Variants in ANKRD36 observed in about 807,000 individuals in gnomAD.
The protein encoded by ANKRD36 is ankyrin repeat domain-containing protein 36A.
In ANKRD36, 179 loss-of-function variants were observed where a neutral mutation model predicts 278.1. The observed-to-expected ratio is 0.64, with a 90% confidence interval of 0.57 to 0.73. ANKRD36 has a LOEUF of 0.73. ANKRD36 is among the 30% of genes least tolerant of loss of function. The pLI is 0.00. For missense variants in ANKRD36, 1,159 were observed against 1,956.7 expected (o/e 0.59, Z 7.69); for synonymous variants, 320 against 641.1 (o/e 0.50, Z 7.57).
intron 67 of ANKRD36, among the ~76,000 whole-genome samples, chr2:97,225,780 C>A (rs1229329286): frequency 2.7e-5 from 4 of 149,898 alleles, no homozygotes; most frequent in Non-Finnish European, 4.4e-5. Context: ...CCCCCCTCCC[C>A]CAACCCCACA....
At chr2:97,199,923 C>T (rs1445559514) in intron 44 of ANKRD36, among the ~76,000 whole-genome samples, 4 of 151,962 alleles carry the variant, frequency 2.6e-5, no homozygotes, top group East Asian at 2.0e-4. Flanking sequence ...TGAATGTTTG[C>T]AGTATAATGG....
intron 66 of ANKRD36, among the ~76,000 whole-genome samples, chr2:97,224,171 G>A (rs1167868732): frequency 6.6e-6 from 1 of 150,982 alleles, no homozygotes; most frequent in Non-Finnish European, 1.5e-5. Context: ...AGAACAGTGT[G>A]CTGTTACTTT....
intron 13 of ANKRD36, 138 bp downstream of exon 13, chr2:97,152,077 C>G: frequency 1.4e-6 from 1 of 701,166 alleles, no homozygotes. Context: ...ACTGCAGTTT[C>G]CATCTCCTGG....
intron 67 of ANKRD36, among the ~76,000 whole-genome samples, chr2:97,227,232 A>C (rs1289487711): frequency 6.6e-6 from 1 of 152,082 alleles, no homozygotes; most frequent in Non-Finnish European, 1.5e-5. Context: ...GGCCATTTTA[A>C]CCATACTGAT....
intron 11 of ANKRD36, 43 bp from the exon 12 acceptor site, chr2:97,149,252 G>A (rs1248439427): frequency 6.7e-7 from 1 of 1,498,046 alleles, no homozygotes; most frequent in South Asian, 1.2e-5. Context: ...TTTCTTTTAA[G>A]AAATGAATGA....
intron 22 of ANKRD36, among the ~76,000 whole-genome samples, chr2:97,171,661 C>T (rs1425768241): frequency 6.9e-6 from 1 of 144,228 alleles, no homozygotes; most frequent in Non-Finnish European, 1.5e-5. Context: ...TGTAACTAAC[C>T]TGCACAATGT....
Position 97,245,054 on chromosome 2 carries a change from A to G in ANKRD36, c.4492-103A>G, listed in dbSNP as rs2075222246. The G allele has an allele frequency of 3.5e-6, 4 of 1,154,626 alleles. 1 individual carries two copies. The highest frequency in any genetic ancestry group is 9.8e-5 in the African/African-American group (2 of 20,366). The allele number at this position is 1,154,626 out of a possible 1,614,324, so 71.5% of individuals were successfully genotyped here. A position where few individuals can be genotyped will look rare whatever the true frequency, so the allele number is the denominator to read the frequency against. On this transcript the variant is annotated intron_variant, in intron 70 of 75. Coordinates refer to ENST00000420699, the MANE Select transcript of ANKRD36 (RefSeq NM_001354587.1). ...CCCAGTTAGATATCCAGTTATGGCA[A>G]CCTCTCATTGTATAAATGTACAGGT...
In ANKRD36 at chr2:97,205,982, C is replaced by G; in HGVS notation, c.3090+14C>G. ...CCAACCTTGAAGGTAATGAAACTCC[C>G]ATTTATATTGTGAACGAGTTAATAT... On this transcript the variant is annotated intron_variant, in intron 51 of 75. Transcript: ENST00000420699. 6.4e-7 allele frequency: 1 copy of G among 1,553,198 alleles called. No individual in the cohort carries two copies.
intron 75 of ANKRD36, among the ~76,000 whole-genome samples, chr2:97,256,384 C>T (rs1382987382): frequency 6.6e-6 from 1 of 152,100 alleles, no homozygotes; most frequent in Non-Finnish European, 1.5e-5. Flanking sequence ...GCTTCAATTT[C>T]CTTATTATTT....
At chr2:97,132,841 A>C (rs1273452894) in intron 6 of ANKRD36, among the ~76,000 whole-genome samples, 1 of 152,104 alleles carries the variant, frequency 6.6e-6, no homozygotes, top group African/African-American at 2.4e-5. Context: ...GATGTGCTGA[A>C]TTCCTGTAGC....
chr2:97,157,010 T>A (rs1221295663), intron 15 of ANKRD36, among the ~76,000 whole-genome samples: 3 of 151,984 alleles, frequency 2.0e-5, no homozygotes, highest in Non-Finnish European at 4.4e-5. Context: ...TTTGGCTGCA[T>A]AAATGTCTTC....
chr2:97,146,422 T>A (rs2044273433), intron 10 of ANKRD36, 64 bp from the exon 11 acceptor site: 1 of 1,331,386 alleles, frequency 7.5e-7, no homozygotes. Flanking sequence ...TGCTCTTTTA[T>A]GTTTTTAATA....
intron 6 of ANKRD36, among the ~76,000 whole-genome samples, chr2:97,128,983 C>T (rs991869668): frequency 1.4e-4 from 21 of 152,068 alleles, no homozygotes; most frequent in African/African-American, 4.8e-4. Context: ...TGGGTATATA[C>T]CCAGTAATGG....
intron 22 of ANKRD36, among the ~76,000 whole-genome samples, chr2:97,171,891 G>A (rs1411481747): frequency 1.3e-5 from 2 of 151,992 alleles, no homozygotes; most frequent in Admixed American, 1.3e-4. Flanking sequence ...CAAAAGCAAT[G>A]GCAACAAAAG....
chr2:97,164,934 T>G (rs1213388417), intron 20 of ANKRD36, among the ~76,000 whole-genome samples: 12 of 151,332 alleles, frequency 7.9e-5, no homozygotes, highest in South Asian at 4.2e-4. Flanking sequence ...AGTTTCTGCA[T>G]GTGTGTGTGT....
intron 52 of ANKRD36, 85 bp from the exon 53 acceptor site, chr2:97,207,726 G>T: frequency 6.5e-7 from 1 of 1,534,212 alleles, no homozygotes; most frequent in Admixed American, 2.0e-5. Flanking sequence ...CAGGAGGACA[G>T]AGGTTGATGC....
Position 97,190,612 on chromosome 2 carries a change from G to A in ANKRD36, c.2246-366G>A, listed in dbSNP as rs561894331. On this transcript the variant is annotated intron_variant, in intron 34 of 75. Transcript: ENST00000420699. ...TTTTGATTTCCTGCATGAAAGACAT[G>A]TGGGATCATGTAGCACCTGCTTTGA... Among the ~76,000 whole-genome samples, 17 of 151,704 alleles carry A rather than the reference G, an allele frequency of 1.1e-4. 1 individual carries two copies. The South Asian group carries it at 2.7e-3, about 24-fold the overall frequency.
At position 97,188,346 on chromosome 2, in the gene ANKRD36, G is replaced by T. The variant is rs187305146; in HGVS notation, c.2144-741G>T. On this transcript the variant is annotated intron_variant, in intron 32 of 75. Transcript: ENST00000420699. The stretch of plus-strand genomic sequence containing the variant: ...AAAAACTGATTAATATCTAATGCTT[G>T]TAGCAGTTTTACTTTGTAGAAGTAT... Among the ~76,000 whole-genome samples the T allele has an allele frequency of 1.7e-4, 26 of 151,142 alleles. 1 individual carries two copies. In the East Asian group the frequency reaches 5.1e-3, roughly 30 times the overall value.
intron 8 of ANKRD36, among the ~76,000 whole-genome samples, chr2:97,143,779 A>G: frequency 6.6e-6 from 1 of 152,266 alleles, no homozygotes; most frequent in African/African-American, 2.4e-5. Context: ...GATTTCAGTA[A>G]CTTTATTTTG....
Sources: allele counts gnomAD v4.1 joint callset (sites outside exome capture counted in the v4.1 genomes callset), GRCh38; gene constraint gnomAD v4.1.1; transcripts MANE v1.5; gene names NCBI Gene and HGNC (gene_info 2026-07-23, HGNC 2026-07-21).